Variants in ACTN4 observed in about 807,000 individuals in gnomAD.
ACTN4 encodes the protein actinin alpha 4, also known as alpha-actinin-4.
In ACTN4, 18 loss-of-function variants were observed where a neutral mutation model predicts 114.2. The observed-to-expected ratio is 0.16, with a 90% CI of 0.11 to 0.23. The LOEUF is 0.23. ACTN4 is among the 10% of genes least tolerant of loss of function. The pLI is 1.00. For missense variants in ACTN4, 722 were observed against 1,262.9 expected (o/e 0.57, Z 6.49); for synonymous variants, 515 against 506.3 (o/e 1.02, Z -0.23).
chr19:38,654,276 A>C (rs1455405700), intron 1 of ACTN4, among the ~76,000 whole-genome samples: 1 of 152,192 alleles, frequency 6.6e-6, no homozygotes, highest in Non-Finnish European at 1.5e-5. Context: ...CCAGAAAGTG[A>C]AATCGCCGGG....
rs1202093647 is a variant in ACTN4 at position 38,730,430 on chromosome 19, CT to C, written c.*1008del. On this transcript the variant is annotated 3_prime_UTR_variant, in exon 21 of 21. Coordinates refer to ENST00000252699, the MANE Select transcript of ACTN4 (RefSeq NM_004924.6). ...TGGTTGATGGTTTTGCTCCCCCTAC[CT>C]TTTTTTTTTGAGTTTATTCTGATTG... 435 of 175,596 alleles carry C rather than the reference CT, an allele frequency of 2.5e-3. No individual in the cohort carries two copies. The highest frequency in any genetic ancestry group is 5.4e-3 in the Middle Eastern group (2 of 368). The allele number at this position is 175,596 out of a possible 1,614,324, so 10.9% of individuals were successfully genotyped here. A position where few individuals can be genotyped will look rare whatever the true frequency, so the allele number is the denominator to read the frequency against.
chr19:38,706,234 C>G, intron 5 of ACTN4, 103 bp downstream of exon 5: 1 of 1,242,740 alleles, frequency 8.0e-7, no homozygotes, highest in Non-Finnish European at 1.2e-6. Context: ...TGTGAGATGC[C>G]AGCCCTCAGT....
At chr19:38,681,983 A>T (rs948602364) in intron 1 of ACTN4, among the ~76,000 whole-genome samples, 2 of 152,004 alleles carry the variant, frequency 1.3e-5, no homozygotes, top group African/African-American at 4.8e-5. Context: ...GGGGCCTACC[A>T]CCACACCTGG....
chr19:38,729,766 C>T lies in ACTN4; in HGVS notation c.*334C>T. The T allele has an allele frequency of 1.9e-6, 1 of 519,124 alleles. No individual in the cohort carries two copies. The highest frequency in any genetic ancestry group is 3.7e-6 in the Non-Finnish European group (1 of 271,380). 32.2% of individuals were successfully genotyped at this position (519,124 alleles called of 1,614,324 possible). ...ATGCCCTGGGATGCCTCACCACACC[C>T]AGGTCTCTTCCTTTGCTCTGAGGTC... On this transcript the variant is annotated 3_prime_UTR_variant, in exon 21 of 21. Transcript: ENST00000252699.
At position 38,731,385 on chromosome 19, in the gene ACTN4, C is replaced by CT. The variant is rs1249081990; in HGVS notation, c.*1954dup. ...AGTACAGGCTGATCCCTTCAATCCT[C>CT]TGGGCCTGTTTCCTCATCCATCAAA... On this transcript the variant is annotated 3_prime_UTR_variant, in exon 21 of 21. Transcript: ENST00000252699. The CT allele has an allele frequency of 9.5e-6, 6 of 634,686 alleles. 1 individual carries two copies. The Admixed American group carries it at 1.4e-4, about 15-fold the overall frequency. The allele number at this position is 634,686 out of a possible 1,614,324, so 39.3% of individuals were successfully genotyped here. A position where few individuals can be genotyped will look rare whatever the true frequency, so the allele number is the denominator to read the frequency against.
intron 1 of ACTN4, among the ~76,000 whole-genome samples, chr19:38,669,265 C>A (rs573876026): frequency 2.6e-5 from 4 of 152,294 alleles, no homozygotes; most frequent in African/African-American, 9.6e-5. Flanking sequence ...GGATTACAGG[C>A]GTGAGTCACC....
In ACTN4 at chr19:38,709,217, A is replaced by G. The variant is rs999426355; in HGVS notation, c.652-178A>G. 2.0e-5 allele frequency among the ~76,000 whole-genome samples: 3 copies of G among 152,152 alleles called. 1 individual carries two copies. Among genetic ancestry groups the G allele is most frequent in the Admixed American group, 2.0e-4 (3 of 15,280 alleles). On this transcript the variant is annotated intron_variant, in intron 6 of 20. Transcript: ENST00000252699. Reference sequence around the variant, plus strand: ...TCACGAGGCACTCCTGTGAGTGGGAATTGAATTTATCCAGGCGGTGCCCTC... The same window carrying G: ...TCACGAGGCACTCCTGTGAGTGGGAGTTGAATTTATCCAGGCGGTGCCCTC...
chr19:38,695,344 C>T (rs1157750169), intron 1 of ACTN4, among the ~76,000 whole-genome samples: 5 of 152,314 alleles, frequency 3.3e-5, no homozygotes, highest in African/African-American at 9.6e-5. Flanking sequence ...GGAAGATGAC[C>T]GCGATCATGA....
intron 1 of ACTN4, among the ~76,000 whole-genome samples, chr19:38,673,588 TATATATATTC>T (rs1240581499): frequency 5.4e-5 from 6 of 110,736 alleles, no homozygotes; most frequent in African/African-American, 2.1e-4. Flanking sequence ...CATATATATT[TATATATATTC>T]ATATATATTC....
Position 38,704,918 on chromosome 19 carries a change from C to G in ACTN4, c.398-16C>G. 6.2e-7 allele frequency: 1 copy of G among 1,611,382 alleles called. No homozygotes were observed. The highest frequency in any genetic ancestry group is 8.5e-7 in the Non-Finnish European group (1 of 1,177,466). On this transcript the variant is annotated splice_polypyrimidine_tract_variant and intron_variant, in intron 3 of 20. Coordinates refer to ENST00000252699, the MANE Select transcript of ACTN4 (RefSeq NM_004924.6). The stretch of plus-strand genomic sequence containing the variant: ...TTTAACGACCTTCTGCCCTCTGCCC[C>G]CTTCCCTGTGTGCAGAGATTGTGGA...
chr19:38,652,631 A>G (rs1976598799), intron 1 of ACTN4, among the ~76,000 whole-genome samples: 1 of 152,174 alleles, frequency 6.6e-6, no homozygotes, highest in African/African-American at 2.4e-5. Flanking sequence ...AACTGGTGCT[A>G]AAAGCCTCCA....
Position 38,724,343 on chromosome 19 carries a change from G to A in ACTN4, c.1875+4G>A. The A allele has an allele frequency of 6.2e-7, 1 of 1,613,396 alleles. No individual in the cohort carries two copies. The highest frequency in any genetic ancestry group is 8.5e-7 in the Non-Finnish European group (1 of 1,179,952). ...CATCAACTCCAAGTGGGAGAAGGTG[G>A]GCCGGGGCCATCCGTAGGGGCTGGG... is the stretch of plus-strand genomic sequence containing the variant. On this transcript the variant is annotated splice_donor_region_variant and intron_variant, in intron 15 of 20. Transcript: ENST00000252699. The surrounding 1 kb of genome is among the most constrained non-coding windows in gnomAD (Gnocchi z 7.0).
Position 38,683,203 on chromosome 19 carries a change from ACT to A in ACTN4, c.163-17394_163-17393del, listed in dbSNP as rs370485414. Among the ~76,000 whole-genome samples, 397 of 151,976 alleles carry A rather than the reference ACT, an allele frequency of 2.6e-3. 2 individuals carry two copies. Among genetic ancestry groups the A allele is most frequent in the African/African-American group, 9.3e-3 (387 of 41,428 alleles). On this transcript the variant is annotated intron_variant, in intron 1 of 20. Coordinates refer to ENST00000252699, the MANE Select transcript of ACTN4 (RefSeq NM_004924.6). ...CCAGCGGTTTGGAGTGGCTGGGATG[ACT>A]CTGGAATCCTGTGAGGCCCAGTCAG...
Position 38,717,658 on chromosome 19 carries a change from G to A in ACTN4, c.1144-269G>A, listed in dbSNP as rs767462480. Among the ~76,000 whole-genome samples, 5 of 152,190 alleles carry A rather than the reference G, an allele frequency of 3.3e-5. No individual in the cohort carries two copies. Among genetic ancestry groups the A allele is most frequent in the African/African-American group, 9.7e-5 (4 of 41,444 alleles). On this transcript the variant is annotated intron_variant, in intron 10 of 20. Transcript: ENST00000252699. This position sits in a 1 kb window ranked among gnomAD's most constrained non-coding sequence, Gnocchi z 4.0. The stretch of plus-strand genomic sequence containing the variant: ...CCCTTCATCAGCGGAGGGGCAGTGC[G>A]CCCTGGACGGTACCACCTCCCCATC...
intron 1 of ACTN4, among the ~76,000 whole-genome samples, chr19:38,671,173 A>G (rs1967116332): frequency 6.6e-6 from 1 of 152,192 alleles, no homozygotes; most frequent in Non-Finnish European, 1.5e-5. Context: ...GGTTTGCTTT[A>G]GCTGTGGTTT....
chr19:38,683,314 A>G (rs1599794051), intron 1 of ACTN4, among the ~76,000 whole-genome samples: 1 of 152,158 alleles, frequency 6.6e-6, no homozygotes, highest in African/African-American at 2.4e-5. Flanking sequence ...CCTCCCTCCC[A>G]GTGCAGCCCC....
intron 19 of ACTN4, 27 bp downstream of exon 19, chr19:38,728,053 C>A (rs773296723): frequency 6.3e-7 from 1 of 1,591,552 alleles, no homozygotes; most frequent in Non-Finnish European, 8.6e-7. Flanking sequence ...CCCAGCGGAC[C>A]ATGGCATTAA....
At chr19:38,703,738 G>A (rs1908892467) in intron 3 of ACTN4, among the ~76,000 whole-genome samples, 1 of 152,164 alleles carries the variant, frequency 6.6e-6, no homozygotes, top group Non-Finnish European at 1.5e-5. Context: ...ACCAACATGT[G>A]ATTTCACTAG....
At chr19:38,721,736 C>T (rs1411341798) in intron 12 of ACTN4, 48 bp downstream of exon 12, 7 of 1,604,910 alleles carry the variant, frequency 4.4e-6, no homozygotes, top group African/African-American at 2.7e-5. Flanking sequence ...TCACCACAGC[C>T]TGCCCAGACT....
Sources: allele counts gnomAD v4.1 joint callset (sites outside exome capture counted in the v4.1 genomes callset), GRCh38; gene constraint gnomAD v4.1.1; non-coding constraint Gnocchi (gnomAD v3.1); transcripts MANE v1.5; gene names NCBI Gene and HGNC (gene_info 2026-07-23, HGNC 2026-07-21).